The following MEP1A variants were observed in gnomAD, a reference collection of about 807,000 sequenced individuals.
MEP1A encodes the protein meprin A subunit alpha.
A neutral mutation model predicts 84.5 loss-of-function variants in MEP1A; 68 were observed. That is an observed-to-expected ratio of 0.80 (90% CI 0.66 to 0.98). MEP1A has a LOEUF of 0.98. Ranked by LOEUF, MEP1A falls within the 50% of genes least tolerant of loss-of-function variation. The pLI is 0.00. For missense variants in MEP1A, 887 were observed against 919.9 expected, an observed-to-expected ratio of 0.96 and a Z score of 0.46; for synonymous variants, 337 against 336.8, an observed-to-expected ratio of 1.00 and a Z score of -0.01.
At position 46,799,141 on chromosome 6, in the gene MEP1A, G is replaced by A. The variant is rs1268061757; in HGVS notation, c.222G>A (p.Arg74=). The change falls in exon 5 of 14, where the codon AGG becomes AGA. Residue 74 remains arginine (R), a synonymous_variant. Coordinates refer to ENST00000230588, the MANE Select transcript of MEP1A (RefSeq NM_005588.3). ...ATGGCCTGAGAGACCCAAACACCAG[G>A]TGGACGTTCCCCATTCCTTACATCT... ...SRNGLRDPNT[R]WTFPIPYILA... is the part of the protein sequence containing the mutation. 1 of 1,613,344 alleles carries A rather than the reference G, an allele frequency of 6.2e-7. No individual in the cohort carries two copies. Among genetic ancestry groups the A allele is most frequent in the Admixed American group, 1.7e-5 (1 of 60,014 alleles).
chr6:46,807,823 G>GAAAT, intron 5 of MEP1A, among the ~76,000 whole-genome samples: 1 of 149,014 alleles, frequency 6.7e-6, no homozygotes, highest in African/African-American at 2.5e-5. Flanking sequence ...AAGAAAGAAA[G>GAAAT]AAAGAAAGAA....
At chr6:46,836,922 C>T (rs1243145080) in intron 13 of MEP1A, among the ~76,000 whole-genome samples, 1 of 151,920 alleles carries the variant, frequency 6.6e-6, no homozygotes, top group Non-Finnish European at 1.5e-5. Context: ...GATGCCTATA[C>T]ATGTCATTAC....
Position 46,809,551 on chromosome 6 carries a change from T to A in MEP1A, c.380+14T>A, listed in dbSNP as rs1562107912. On this transcript the variant is annotated intron_variant, in intron 6 of 13. Transcript: ENST00000230588. ...ACAGTTTGATGGGTTGGTATGAAAT[T>A]TTACGGAGTGAAAATCATGCATACT... 1 of 1,535,392 alleles carries A rather than the reference T, an allele frequency of 6.5e-7. No individual in the cohort carries two copies. The highest frequency in any genetic ancestry group is 1.4e-5 in the African/African-American group (1 of 73,116).
At chr6:46,818,592 C>T (rs1050900531) in intron 6 of MEP1A, among the ~76,000 whole-genome samples, 4 of 151,992 alleles carry the variant, frequency 2.6e-5, no homozygotes, top group Non-Finnish European at 5.9e-5. Context: ...GACATTCTAC[C>T]GTAAGGAATT....
At chr6:46,832,829 C>T (rs1656166468) in intron 10 of MEP1A, among the ~76,000 whole-genome samples, 1 of 152,158 alleles carries the variant, frequency 6.6e-6, no homozygotes, top group Non-Finnish European at 1.5e-5. Flanking sequence ...AAAACAAATT[C>T]ACGGTTAAGA....
Position 46,819,662 on chromosome 6 carries a change from C to A in MEP1A, c.514C>A (p.Arg172=). The A allele has an allele frequency of 2.5e-6, 4 of 1,614,036 alleles. No homozygotes were observed. The highest frequency in any genetic ancestry group is 3.4e-6 in the Non-Finnish European group (4 of 1,179,960). The change falls in exon 7 of 14, where the codon CGG becomes AGG. Residue 172 remains arginine (R), a synonymous_variant. Transcript: ENST00000230588. ...GFYHEQSRTD[R]DDYVNIWWDQ... ...TTACCACGAGCAGTCAAGGACGGAC[C>A]GGGATGATTATGTGAACATCTGGTG...
downstream of MEP1A, among the ~76,000 whole-genome samples, chr6:46,842,662 C>T (rs1162962292): frequency 2.6e-5 from 4 of 152,082 alleles, no homozygotes; most frequent in Non-Finnish European, 4.4e-5. Flanking sequence ...CTAATTTTGC[C>T]TTTGCCTTGT....
rs572313326 is a variant in MEP1A at position 46,813,801 on chromosome 6, G to A, written c.380+4264G>A. 1.2e-4 allele frequency among the ~76,000 whole-genome samples: 18 copies of A among 152,090 alleles called. No individual in the cohort carries two copies. The South Asian group carries it at 2.3e-3, about 19-fold the overall frequency. The stretch of plus-strand genomic sequence containing the variant: ...TTGAAAAAGACTGTATCTTTCCTTC[G>A]TTTATTAAGCTTAGTTTCACCAGAT... On this transcript the variant is annotated intron_variant, in intron 6 of 13. Coordinates refer to ENST00000230588, the MANE Select transcript of MEP1A (RefSeq NM_005588.3).
At chr6:46,824,894 T>TCTATTTAA (rs1767885384) in intron 7 of MEP1A, among the ~76,000 whole-genome samples, 2 of 51,942 alleles carry the variant, frequency 3.9e-5, no homozygotes, top group African/African-American at 2.4e-4. Flanking sequence ...ATATATAAAT[T>TCTATTTAA]ATATATATAA....
intron 6 of MEP1A, among the ~76,000 whole-genome samples, chr6:46,817,125 G>A (rs999486876): frequency 6.6e-6 from 1 of 152,024 alleles, no homozygotes; most frequent in African/African-American, 2.4e-5. Context: ...AAGAGGGAAT[G>A]GATTTCAGAA....
chr6:46,808,342 G>T (rs1362414226), intron 5 of MEP1A, among the ~76,000 whole-genome samples: 1 of 151,924 alleles, frequency 6.6e-6, no homozygotes, highest in African/African-American at 2.4e-5. Context: ...TAATGATCTT[G>T]ATATGACATT....
chr6:46,807,544 GAAAGAAAGAAAGAAAGAAAGA>G (rs2150743547), intron 5 of MEP1A, among the ~76,000 whole-genome samples: 1 of 49,286 alleles, frequency 2.0e-5, no homozygotes, highest in African/African-American at 1.2e-4. Context: ...AAGAAAGAAA[GAAAGAAAGAAAGAAAGAAAGA>G]AAGGAAGGAA....
chr6:46,838,057 ATTT>A (rs570182939), intron 13 of MEP1A, among the ~76,000 whole-genome samples: 1 of 135,016 alleles, frequency 7.4e-6, no homozygotes. Flanking sequence ...ATGTCTGGCT[ATTT>A]TTTTTTTTTT....
Position 46,839,331 on chromosome 6 carries a change from AT to A in MEP1A, c.*196del. 7 of 487,818 alleles carry A rather than the reference AT, an allele frequency of 1.4e-5. No individual in the cohort carries two copies. Among genetic ancestry groups the A allele is most frequent in the African/African-American group, 1.9e-5 (1 of 51,426 alleles). The allele number at this position is 487,818 out of a possible 1,614,324, so 30.2% of individuals were successfully genotyped here. On this transcript the variant is annotated 3_prime_UTR_variant, in exon 14 of 14. Transcript: ENST00000230588. ...TTACTTTGCTATGTGCTCCTAATGT[AT>A]CTAGTGTGTCCTGTGACAACACTCA...
chr6:46,800,185 G>C (rs1196922066), intron 5 of MEP1A, among the ~76,000 whole-genome samples: 1 of 152,120 alleles, frequency 6.6e-6, no homozygotes, highest in Admixed American at 6.5e-5. Flanking sequence ...ACTTTAAAAG[G>C]GGTTCTTTCC....
chr6:46,798,561 A>T (rs753521670), intron 3 of MEP1A, 45 bp from the exon 4 acceptor site: 1 of 1,474,192 alleles, frequency 6.8e-7, no homozygotes, highest in South Asian at 1.1e-5. Context: ...CCTTTTAATA[A>T]TGTTCACTCA....
chr6:46,825,310 A>G lies in MEP1A; in HGVS notation c.595A>G (p.Ile199Val). 6.2e-7 allele frequency: 1 copy of G among 1,613,510 alleles called. No homozygotes were observed. The highest frequency in any genetic ancestry group is 8.5e-7 in the Non-Finnish European group (1 of 1,179,754). The change falls in exon 8 of 14, where the codon ATC becomes GTC. Residue 199 changes from isoleucine to valine, a missense_variant. Transcript: ENST00000230588. ...HNFDTYDDSL[I>V]TDLNTPYDYE... ...CTTTGACACCTATGATGATAGCTTA[A>G]TCACAGACCTCAATACACCCTATGA...
At chr6:46,819,364 CT>C (rs1461537580) in intron 6 of MEP1A, among the ~76,000 whole-genome samples, 164 bp from the exon 7 acceptor site, 7 of 152,204 alleles carry the variant, frequency 4.6e-5, no homozygotes, top group African/African-American at 1.7e-4. Flanking sequence ...AATGCTCCTT[CT>C]TTAAGCAGTC....
rs750211262 is a variant in MEP1A, at chr6:46,835,413, C to T, written c.1948C>T (p.Arg650Ter). ...CAGCCTGAGCCAGGGGCAGCCCAGC[C>T]GACAGAAGCGGTCGGTGGAGAACAC... ...PVSLSQGQPS[R>*]QKRSVENTGP... The change falls in exon 13 of 14, where the codon CGA becomes TGA. Residue 650 changes from arginine (R) to a stop codon, truncating the protein, a stop_gained. Transcript: ENST00000230588. LOFTEE classifies it high-confidence loss of function. 11 of 1,612,224 alleles carry T rather than the reference C, an allele frequency of 6.8e-6. No homozygotes were observed. Among genetic ancestry groups the T allele is most frequent in the South Asian group, 3.3e-5 (3 of 90,656 alleles).
Sources: gnomAD v4.1 joint callset for allele counts (sites outside exome capture counted in the v4.1 genomes callset) on GRCh38, gnomAD v4.1.1 for gene constraint, MANE v1.5 for transcripts, NCBI Gene and HGNC (gene_info 2026-07-23, HGNC 2026-07-21) for gene names.